The following MTMR7 variants were observed in gnomAD, a reference collection of about 807,000 sequenced individuals.
The protein encoded by MTMR7 is myotubularin related protein 7.
In MTMR7, 76 loss-of-function variants were observed where a neutral mutation model predicts 81.2. The observed-to-expected ratio is 0.94, with a 90% CI of 0.78 to 1.13. The LOEUF (loss-of-function observed/expected upper bound fraction) is 1.13. MTMR7 is among the 50% of genes most tolerant of loss of function. The probability of loss-of-function intolerance (pLI) is 0.00; values close to 1 mark genes in which losing one functional copy is unlikely to be tolerated. For missense variants in MTMR7, 1,044 were observed against 820.0 expected (o/e 1.27, Z -3.34); for synonymous variants, 372 against 289.8 (o/e 1.28, Z -2.88).
At chr8:17,322,950 C>CTTTTTTTTTTTTTTTTT (rs58584179) in intron 7 of MTMR7, among the ~76,000 whole-genome samples, 1 of 125,776 alleles carries the variant, frequency 8.0e-6, no homozygotes, top group African/African-American at 3.1e-5. Context: ...ATTGAATTAT[C>CTTTTTTTTTTTTTTTTT]TTTTTTTTTT....
chr8:17,352,989 T>C (rs1176115082), intron 4 of MTMR7, among the ~76,000 whole-genome samples: 1 of 152,182 alleles, frequency 6.6e-6, no homozygotes, highest in Non-Finnish European at 1.5e-5. Flanking sequence ...CAAGAGATAC[T>C]TGCACAACCA....
At chr8:17,326,675 A>G (rs1298564766) in intron 7 of MTMR7, among the ~76,000 whole-genome samples, 2 of 152,228 alleles carry the variant, frequency 1.3e-5, no homozygotes, top group Non-Finnish European at 2.9e-5. Context: ...TGCTGTGAAC[A>G]GCCAACATGT....
At position 17,298,021 on chromosome 8, in the gene MTMR7, CATAG is replaced by C. The variant is rs1361069885; in HGVS notation, c.*1837_*1840del. On this transcript the variant is annotated 3_prime_UTR_variant, in exon 14 of 14. Transcript: ENST00000180173. ...CAAATAAAAGCATAGTGCTGTTTGG[CATAG>C]ATACTTTGTCATTTTTTAAAAAATG... 2.0e-5 allele frequency: 3 copies of C among 151,996 alleles called. No homozygotes were observed. Among genetic ancestry groups the C allele is most frequent in the Admixed American group, 6.6e-5 (1 of 15,260 alleles). The allele number at this position is 151,996 out of a possible 1,614,324, so 9.4% of individuals were successfully genotyped here. A position where few individuals can be genotyped will look rare whatever the true frequency, so the allele number is the denominator to read the frequency against.
chr8:17,353,561 T>C (rs978764566), intron 4 of MTMR7, among the ~76,000 whole-genome samples: 1 of 152,232 alleles, frequency 6.6e-6, no homozygotes, highest in African/African-American at 2.4e-5. Context: ...CGCACAATGA[T>C]GCAACATATG....
chr8:17,341,198 C>T (rs905523227), intron 6 of MTMR7, among the ~76,000 whole-genome samples, 165 bp downstream of exon 6: 1 of 152,188 alleles, frequency 6.6e-6, no homozygotes, highest in African/African-American at 2.4e-5. Context: ...TGCACTAGAC[C>T]TCCAGGAAGT....
intron 1 of MTMR7, among the ~76,000 whole-genome samples, chr8:17,400,014 T>C (rs1412107864): frequency 6.6e-6 from 1 of 152,218 alleles, no homozygotes; most frequent in Non-Finnish European, 1.5e-5. Flanking sequence ...ATGCTGTTTG[T>C]ATGCTTTTCT....
At chr8:17,367,116 A>T (rs1009211204) in intron 3 of MTMR7, among the ~76,000 whole-genome samples, 1 of 152,206 alleles carries the variant, frequency 6.6e-6, no homozygotes, top group Non-Finnish European at 1.5e-5. Context: ...GATTGCTTAA[A>T]CATCAATGAC....
At chr8:17,334,822 T>G (rs1819177129) in intron 6 of MTMR7, among the ~76,000 whole-genome samples, 1 of 152,140 alleles carries the variant, frequency 6.6e-6, no homozygotes, top group South Asian at 2.1e-4. Flanking sequence ...CTAAGGAAAC[T>G]CTGTCGGCCT....
chr8:17,404,831 G>T (rs1353065807), intron 1 of MTMR7, among the ~76,000 whole-genome samples: 1 of 151,996 alleles, frequency 6.6e-6, no homozygotes, highest in Non-Finnish European at 1.5e-5. Context: ...TTTTGTTTTT[G>T]TTTTGTTTTG....
chr8:17,400,087 A>G (rs73666136), intron 1 of MTMR7, among the ~76,000 whole-genome samples: 2,026 of 152,182 alleles, frequency 0.013, 37 homozygotes, highest in African/African-American at 0.047. Flanking sequence ...AGAATTATAG[A>G]TGAAGTATGG....
intron 6 of MTMR7, among the ~76,000 whole-genome samples, chr8:17,339,817 CT>C (rs1189066332): frequency 1.3e-5 from 2 of 152,140 alleles, no homozygotes; most frequent in Admixed American, 1.3e-4. Context: ...ATTTAAAGTC[CT>C]TATGCTCTTT....
chr8:17,354,731 C>T (rs553491961), intron 4 of MTMR7, among the ~76,000 whole-genome samples: 7 of 152,202 alleles, frequency 4.6e-5, no homozygotes, highest in East Asian at 3.9e-4. Flanking sequence ...AAAAAGTAAA[C>T]GTTTTCTCAG....
chr8:17,322,312 T>C (rs537682936), intron 7 of MTMR7, among the ~76,000 whole-genome samples: 21 of 152,346 alleles, frequency 1.4e-4, no homozygotes, highest in Non-Finnish European at 3.1e-4. Flanking sequence ...CACAAGCTCA[T>C]CACCATGTGT....
intron 1 of MTMR7, among the ~76,000 whole-genome samples, chr8:17,387,060 C>G (rs1477749339): frequency 1.3e-5 from 2 of 152,224 alleles, no homozygotes; most frequent in Non-Finnish European, 2.9e-5. Flanking sequence ...AACCTAGCCC[C>G]ACCTTACCGG....
At position 17,406,530 on chromosome 8, in the gene MTMR7, T is replaced by C. The variant is rs534177464; in HGVS notation, c.24+6739A>G. On this transcript the variant is annotated intron_variant, in intron 1 of 13. Transcript: ENST00000180173. ...GAAAAACTGGAACCCTTACACATTA[T>C]TGTCGGGGTTCTGAAATAGTGCAGC... Among the ~76,000 whole-genome samples the C allele has an allele frequency of 3.8e-4, 58 of 152,302 alleles. 1 individual carries two copies. Among genetic ancestry groups the C allele is most frequent in the African/African-American group, 1.2e-3 (49 of 41,580 alleles).
At chr8:17,335,613 A>T (rs533049323) in intron 6 of MTMR7, among the ~76,000 whole-genome samples, 1 of 152,298 alleles carries the variant, frequency 6.6e-6, no homozygotes, top group South Asian at 2.1e-4. Flanking sequence ...TTGCCCTAAC[A>T]CAGGTGGTCA....
At chr8:17,384,190 C>T (rs1274158255) in intron 1 of MTMR7, among the ~76,000 whole-genome samples, 1 of 152,072 alleles carries the variant, frequency 6.6e-6, no homozygotes, top group Non-Finnish European at 1.5e-5. Flanking sequence ...GCAGGAAGAT[C>T]ACTTGAGGCC....
At chr8:17,389,997 G>A (rs1388048725) in intron 1 of MTMR7, among the ~76,000 whole-genome samples, 2 of 151,742 alleles carry the variant, frequency 1.3e-5, no homozygotes, top group South Asian at 2.1e-4. Context: ...CATGAATTGG[G>A]AAGATAAAGT....
At chr8:17,364,142 G>A (rs1180758129) in intron 3 of MTMR7, among the ~76,000 whole-genome samples, 1 of 146,082 alleles carries the variant, frequency 6.8e-6, no homozygotes, top group Non-Finnish European at 1.5e-5. Flanking sequence ...CCATTCTCCT[G>A]CCTCAGCCTC....
Sources: allele counts gnomAD v4.1 joint callset (sites outside exome capture counted in the v4.1 genomes callset), GRCh38; gene constraint gnomAD v4.1.1; transcripts MANE v1.5; gene names NCBI Gene and HGNC (gene_info 2026-07-23, HGNC 2026-07-21).